Variants in CEP290 observed in about 807,000 individuals in gnomAD.
CEP290 encodes the protein centrosomal protein of 290 kDa.
A neutral mutation model predicts 344.9 loss-of-function variants in CEP290; 317 were observed. The observed-to-expected ratio is 0.92, with a 90% confidence interval of 0.84 to 1.01. CEP290 has a LOEUF of 1.01. Among genes scored for constraint, CEP290 ranks in the 50% least tolerant of loss-of-function variants. The probability of loss-of-function intolerance (pLI) is 0.00; values close to 1 mark genes in which losing one functional copy is unlikely to be tolerated. For missense variants in CEP290, 2,754 were observed against 2,761.4 expected, an observed-to-expected ratio of 1.00 and a Z score of 0.06; for synonymous variants, 932 against 895.8, an observed-to-expected ratio of 1.04 and a Z score of -0.72.
At chr12:88,090,610 A>G (rs1463305296) in intron 30 of CEP290, 118 bp downstream of exon 30, 3 of 670,324 alleles carry the variant, frequency 4.5e-6, no homozygotes, top group Non-Finnish European at 7.6e-6. Context: ...ACCCTGGGCA[A>G]CAGAATGAGA....
At position 88,140,993 on chromosome 12, in the gene CEP290, A is replaced by C; in HGVS notation, c.143T>G (p.Val48Gly). The C allele has an allele frequency of 6.3e-7, 1 of 1,592,210 alleles. No individual in the cohort carries two copies. Among genetic ancestry groups the C allele is most frequent in the South Asian group, 1.2e-5 (1 of 85,108 alleles). Residue 48 changes from valine (V) to glycine (G), a missense_variant, in exon 3 of 54, where the codon GTG (valine) becomes GGG (glycine). By Grantham distance (109) the Val-to-Gly change is moderately radical. Coordinates refer to ENST00000552810, the MANE Select transcript of CEP290 (RefSeq NM_025114.4). The stretch of plus-strand genomic sequence containing the variant: ...CTGAGTAATTCTGAAAAGGTGTATC[A>C]CATTTTCTTGCTTTTCACTTTTTAG... ...NELKSEKQEN[V>G]IHLFRITQSL... is the part of the protein sequence containing the mutation.
At chr12:88,101,045 G>A (rs2037832569) in intron 26 of CEP290, among the ~76,000 whole-genome samples, 1 of 152,104 alleles carries the variant, frequency 6.6e-6, no homozygotes, top group Non-Finnish European at 1.5e-5. Flanking sequence ...CACAGGGTAG[G>A]ATTCATGTTT....
chr12:88,074,638 TC>T (rs2035625906), intron 41 of CEP290, among the ~76,000 whole-genome samples: 1 of 152,158 alleles, frequency 6.6e-6, no homozygotes, highest in Non-Finnish European at 1.5e-5. Flanking sequence ...TCTCTGACCT[TC>T]TCCCATCCTC....
chr12:88,050,250 A>T (rs369395574), intron 53 of CEP290, 104 bp downstream of exon 53: 2 of 634,922 alleles, frequency 3.1e-6, no homozygotes, highest in Non-Finnish European at 5.5e-6. Context: ...CAAATATAAG[A>T]TGTTATTACT....
Position 88,125,231 on chromosome 12 carries a change from T to C in CEP290, c.1189+15A>G. ...CATAATTGTATATAAAATAACTATA[T>C]ATTTATAAAAATACCTTTGTTTCTT... On this transcript the variant is annotated intron_variant, in intron 13 of 53. Coordinates refer to ENST00000552810, the MANE Select transcript of CEP290 (RefSeq NM_025114.4). The C allele has an allele frequency of 1.4e-6, 1 of 701,952 alleles. No individual in the cohort carries two copies. The allele number at this position is 701,952 out of a possible 1,614,324, so 43.5% of individuals were successfully genotyped here.
At chr12:88,069,392 A>G (rs2035192458) in intron 43 of CEP290, among the ~76,000 whole-genome samples, 1 of 152,208 alleles carries the variant, frequency 6.6e-6, no homozygotes, top group African/African-American at 2.4e-5. Flanking sequence ...ATTAGAGAAA[A>G]AAAAAATGGC....
intron 29 of CEP290, 130 bp downstream of exon 29, chr12:88,092,551 A>C: frequency 1.5e-6 from 1 of 674,092 alleles, no homozygotes; most frequent in South Asian, 2.6e-5. Flanking sequence ...AATATTACTT[A>C]ATCCTGTTCT....
chr12:88,098,328 G>A (rs1015106345), intron 26 of CEP290, among the ~76,000 whole-genome samples: 1 of 148,372 alleles, frequency 6.7e-6, no homozygotes, highest in Non-Finnish European at 1.5e-5. Context: ...AGTCAGTATC[G>A]ACCAGGTGCA....
Position 88,117,152 on chromosome 12 carries a change from A to G in CEP290, c.1712-7T>C, listed in dbSNP as rs1211882783. On this transcript the variant is annotated splice_polypyrimidine_tract_variant and splice_region_variant and intron_variant, in intron 17 of 53. Transcript: ENST00000552810. Reference sequence around the variant, plus strand: ...AGGTCCTCAGTGGTTAATCCTATATATAAGAGAATTAACAAACTAAAAACA... The same window carrying G: ...AGGTCCTCAGTGGTTAATCCTATATGTAAGAGAATTAACAAACTAAAAACA... The G allele has an allele frequency of 7.4e-7, 1 of 1,349,114 alleles. No homozygotes were observed. The highest frequency in any genetic ancestry group is 2.5e-5 in the East Asian group (1 of 40,432). The allele number at this position is 1,349,114 out of a possible 1,614,324, so 83.6% of individuals were successfully genotyped here.
At chr12:88,099,688 A>C (rs1323714576) in intron 26 of CEP290, among the ~76,000 whole-genome samples, 2 of 152,262 alleles carry the variant, frequency 1.3e-5, no homozygotes, top group East Asian at 3.9e-4. Flanking sequence ...ACGATAAGGT[A>C]ATAATAATAT....
At chr12:88,097,758 A>C (rs921711755) in intron 26 of CEP290, among the ~76,000 whole-genome samples, 1 of 152,146 alleles carries the variant, frequency 6.6e-6, no homozygotes, top group African/African-American at 2.4e-5. Flanking sequence ...ATTTTGGCCA[A>C]AACTCTTAGA....
In CEP290 at chr12:88,129,929, T is replaced by C. The variant is rs568978389; in HGVS notation, c.670-53A>G. 25 of 1,158,112 alleles carry C rather than the reference T, an allele frequency of 2.2e-5. No individual in the cohort carries two copies. In the South Asian group the frequency reaches 4.2e-4, roughly 19 times the overall value. 71.7% of individuals were successfully genotyped at this position (1,158,112 alleles called of 1,614,324 possible). A position where few individuals can be genotyped will look rare whatever the true frequency, so the allele number is the denominator to read the frequency against. On this transcript the variant is annotated intron_variant, in intron 9 of 53. Coordinates refer to ENST00000552810, the MANE Select transcript of CEP290 (RefSeq NM_025114.4). ...AAAAGTAATTTTAAAAAAACTGAAA[T>C]TTAAACCAAATTAAAATTAAACGCA... is the stretch of plus-strand genomic sequence containing the variant.
In CEP290 at chr12:88,083,039, G is replaced by A. The variant is rs1327687796; in HGVS notation, c.5004C>T (p.Ile1668=). ...TELKVKEFEN[I]KLQLQENHED... is the part of the protein sequence containing the mutation. ...ACATTTCGAAGACTTACTGTAATTT[G>A]ATATTTTCAAATTCTTTTACTTTTA... The change falls in exon 37 of 54, where the codon ATC becomes ATT. Residue 1668 remains isoleucine (I), a synonymous_variant. Transcript: ENST00000552810. 4 of 1,481,284 alleles carry A rather than the reference G, an allele frequency of 2.7e-6. No homozygotes were observed. The South Asian group carries it at 5.2e-5, about 19-fold the overall frequency. 91.8% of individuals were successfully genotyped at this position (1,481,284 alleles called of 1,614,324 possible). A position where few individuals can be genotyped will look rare whatever the true frequency, so the allele number is the denominator to read the frequency against.
intron 52 of CEP290, among the ~76,000 whole-genome samples, chr12:88,052,915 A>G (rs985302132): frequency 8.6e-5 from 13 of 152,044 alleles, no homozygotes; most frequent in Admixed American, 8.5e-4. Context: ...TCATTTCTCT[A>G]TGAAAACTGA....
At chr12:88,093,605 T>A (rs2137359070) in intron 28 of CEP290, 165 bp downstream of exon 28, 1 of 544,762 alleles carries the variant, frequency 1.8e-6, no homozygotes, top group East Asian at 3.0e-5. Flanking sequence ...GCTTTCCTTT[T>A]AAACAATTCA....
At chr12:88,065,439 C>T (rs887305402) in intron 44 of CEP290, among the ~76,000 whole-genome samples, 2 of 152,092 alleles carry the variant, frequency 1.3e-5, no homozygotes, top group Non-Finnish European at 2.9e-5. Context: ...AATACATTTC[C>T]ACTTAATAAG....
chr12:88,093,984 A>T lies in CEP290; in HGVS notation c.3104-9T>A. 6.3e-7 allele frequency: 1 copy of T among 1,578,006 alleles called. No individual in the cohort carries two copies. The highest frequency in any genetic ancestry group is 8.6e-7 in the Non-Finnish European group (1 of 1,160,438). On this transcript the variant is annotated splice_polypyrimidine_tract_variant and intron_variant, in intron 27 of 53. Transcript: ENST00000552810. ...CATGCTAGATTCATTACCTACATGC[A>T]ATAATATTTAAGTCAATCTCATGCT... is the stretch of plus-strand genomic sequence containing the variant.
At chr12:88,140,385 T>C (rs1001816933) in intron 3 of CEP290, among the ~76,000 whole-genome samples, 1 of 152,216 alleles carries the variant, frequency 6.6e-6, no homozygotes, top group African/African-American at 2.4e-5. Context: ...GCTGATAGCA[T>C]AAAATACACC....
At chr12:88,066,657 T>C (rs2034961590) in intron 44 of CEP290, among the ~76,000 whole-genome samples, 1 of 151,532 alleles carries the variant, frequency 6.6e-6, no homozygotes, top group African/African-American at 2.4e-5. Context: ...TTATCATTAT[T>C]ATTATTTTAG....
Sources: gnomAD v4.1 joint callset for allele counts (sites outside exome capture counted in the v4.1 genomes callset) on GRCh38, gnomAD v4.1.1 for gene constraint, MANE v1.5 for transcripts, NCBI Gene and HGNC (gene_info 2026-07-23, HGNC 2026-07-21) for gene names.